GSTO2: variants seen among roughly 807,000 people sequenced by gnomAD.
The protein encoded by GSTO2 is glutathione S-transferase omega-2.
In GSTO2, 23 loss-of-function variants were observed where a neutral mutation model predicts 28.4. The ratio of observed to expected loss-of-function variants is 0.81; its 90% CI spans 0.58 to 1.15. The LOEUF (loss-of-function observed/expected upper bound fraction) is 1.15. GSTO2 is among the 50% of genes most tolerant of loss of function. GSTO2 has a pLI of 0.00. For missense variants in GSTO2, 298 were observed against 297.8 expected (o/e 1.00, Z 0.00); for synonymous variants, 109 against 111.0 (o/e 0.98, Z 0.11).
In GSTO2 at chr10:104,274,940, C is replaced by G. The variant is rs775086288; in HGVS notation, c.25C>G (p.Leu9Val). The G allele has an allele frequency of 1.0e-5, 16 of 1,603,564 alleles. No individual in the cohort carries two copies. The highest frequency in any genetic ancestry group is 1.7e-4 in the Middle Eastern group (1 of 6,026). MSGDATRT[L>V]GKGSQPPGPV... ...CATGTCTGGGGATGCGACCAGGACC[C>G]TGGGGAAAGGTGAGTGCTCTCCATG... is the stretch of plus-strand genomic sequence containing the variant. The change falls in exon 2 of 7, where the codon CTG becomes GTG. Residue 9 changes from leucine to valine, a missense_variant. Coordinates refer to ENST00000338595, the MANE Select transcript of GSTO2 (RefSeq NM_183239.2).
intron 5 of GSTO2, among the ~76,000 whole-genome samples, chr10:104,289,240 A>G (rs1017332354): frequency 3.3e-5 from 5 of 152,130 alleles, no homozygotes; most frequent in African/African-American, 9.7e-5. Flanking sequence ...CTAGGACTAC[A>G]GGCACCACTA....
intron 5 of GSTO2, among the ~76,000 whole-genome samples, chr10:104,284,057 T>A (rs2012256526): frequency 6.6e-6 from 1 of 152,054 alleles, no homozygotes; most frequent in Non-Finnish European, 1.5e-5. Context: ...GTTTGCTTGT[T>A]AGTTTTTTAA....
chr10:104,282,553 C>CA lies in GSTO2; in HGVS notation c.468+3097dup, dbSNP rs10715615. On this transcript the variant is annotated intron_variant, in intron 5 of 6. Transcript: ENST00000338595. ...TGGACAACACAGTGAAACCCTATCT[C>CA]AAAAAAAAAAAAAAAGAAGAAGAAG... 7.8e-3 allele frequency among the ~76,000 whole-genome samples: 799 copies of CA among 102,770 alleles called. 10 individuals carry two copies. The highest frequency in any genetic ancestry group is 0.048 in the East Asian group (180 of 3,736). 67.4% of individuals were successfully genotyped at this position (102,770 alleles called of 152,430 possible). A position where few individuals can be genotyped will look rare whatever the true frequency, so the allele number is the denominator to read the frequency against.
chr10:104,293,181 C>T (rs543445563), intron 5 of GSTO2, among the ~76,000 whole-genome samples: 2 of 152,242 alleles, frequency 1.3e-5, no homozygotes, highest in Non-Finnish European at 2.9e-5. Flanking sequence ...AAAGGTGAGA[C>T]TAAGGAGGAA....
chr10:104,291,030 C>A, intron 5 of GSTO2, among the ~76,000 whole-genome samples: 1 of 152,036 alleles, frequency 6.6e-6, no homozygotes, highest in East Asian at 1.9e-4. Flanking sequence ...TATGTGCCCA[C>A]GAAAAATAAA....
chr10:104,279,081 T>C (rs902562050), intron 4 of GSTO2, among the ~76,000 whole-genome samples: 1 of 152,026 alleles, frequency 6.6e-6, no homozygotes, highest in South Asian at 2.1e-4. Context: ...CTTAGAGAGG[T>C]TGAGTGTCCC....
intron 5 of GSTO2, among the ~76,000 whole-genome samples, chr10:104,283,838 A>T (rs1319730070): frequency 1.3e-5 from 2 of 152,260 alleles, no homozygotes; most frequent in South Asian, 4.1e-4. Flanking sequence ...CACAATCAGG[A>T]TTTTTTGTGA....
At chr10:104,297,791 G>T in intron 6 of GSTO2, 107 bp downstream of exon 6, 2 of 727,788 alleles carry the variant, frequency 2.7e-6, no homozygotes, top group Non-Finnish European at 4.7e-6. Context: ...TGTCTGTGAA[G>T]TGAATCAGGT....
chr10:104,275,692 A>G (rs1396327988), intron 3 of GSTO2, among the ~76,000 whole-genome samples: 3 of 152,102 alleles, frequency 2.0e-5, no homozygotes, highest in Non-Finnish European at 1.5e-5. Flanking sequence ...CAGGCATCTT[A>G]GGTCACTGTT....
In GSTO2 at chr10:104,274,571, C is replaced by T. The variant is rs2011540314; in HGVS notation, c.-231-114C>T. The T allele has an allele frequency of 2.7e-5, 11 of 400,438 alleles. No homozygotes were observed. In the South Asian group the frequency reaches 3.5e-4, roughly 13 times the overall value. 24.8% of individuals were successfully genotyped at this position (400,438 alleles called of 1,614,324 possible). On this transcript the variant is annotated intron_variant, in intron 1 of 6. Transcript: ENST00000338595. The stretch of plus-strand genomic sequence containing the variant: ...TGAAATCCATGTTGGAGTTTAAATG[C>T]CCATTCTTGAGGGATTCTTGATGTA...
rs2013277839 is a variant in GSTO2 at position 104,302,252 on chromosome 10, A to T, written c.*2968A>T. 1 of 152,234 alleles carries T rather than the reference A, an allele frequency of 6.6e-6. No homozygotes were observed. Among genetic ancestry groups the T allele is most frequent in the South Asian group, 2.1e-4 (1 of 4,830 alleles). 9.4% of individuals were successfully genotyped at this position (152,234 alleles called of 1,614,324 possible). ...CCTCCCCCAACATGTGGGGATTATA[A>T]TTCAGATTAAAATTGAAGATGAGAT... On this transcript the variant is annotated 3_prime_UTR_variant, in exon 7 of 7. Transcript: ENST00000338595.
chr10:104,292,679 C>A (rs1353508463), intron 5 of GSTO2, among the ~76,000 whole-genome samples: 1 of 152,150 alleles, frequency 6.6e-6, no homozygotes, highest in Admixed American at 6.6e-5. Context: ...TAGTCTCGAA[C>A]TCCTGGGCTC....
chr10:104,291,641 G>A (rs1394244932), intron 5 of GSTO2: 1 of 152,242 alleles, frequency 6.6e-6, no homozygotes, highest in African/African-American at 2.4e-5. Context: ...CCCTCTGGGG[G>A]CGCCCGAGGG....
Position 104,299,180 on chromosome 10 carries a change from G to T in GSTO2, c.628G>T (p.Asp210Tyr). 6.2e-7 allele frequency: 1 copy of T among 1,614,210 alleles called. No individual in the cohort carries two copies. The highest frequency in any genetic ancestry group is 8.5e-7 in the Non-Finnish European group (1 of 1,180,040). ...LRLWISAMKW[D>Y]PTVCALLMDK... Reference sequence around the variant, plus strand: ...GCTCTGGATATCAGCCATGAAGTGGGACCCCACAGTCTGTGCTCTTCTCAT... The same window carrying T: ...GCTCTGGATATCAGCCATGAAGTGGTACCCCACAGTCTGTGCTCTTCTCAT... Residue 210 changes from aspartate to tyrosine, a missense_variant, in exon 7 of 7, where the codon GAC (aspartate) becomes TAC (tyrosine). Physicochemically the swap from Asp to Tyr is radical, Grantham distance 160 (BLOSUM62 -3). Transcript: ENST00000338595.
chr10:104,285,656 C>T (rs975207222), intron 5 of GSTO2, among the ~76,000 whole-genome samples: 4 of 151,816 alleles, frequency 2.6e-5, no homozygotes, highest in Admixed American at 6.6e-5. Flanking sequence ...TTTGTGGAGA[C>T]GAGGTCTCAC....
chr10:104,275,160 G>T, intron 2 of GSTO2, 66 bp from the exon 3 acceptor site: 1 of 1,545,096 alleles, frequency 6.5e-7, no homozygotes, highest in Non-Finnish European at 8.7e-7. Flanking sequence ...GCAAGTGAGC[G>T]AGCTCCTTCC....
chr10:104,273,494 A>G (rs1408484420), intron 1 of GSTO2, among the ~76,000 whole-genome samples: 1 of 152,246 alleles, frequency 6.6e-6, no homozygotes, highest in East Asian at 1.9e-4. Context: ...CACTAGCAAA[A>G]AATGTTAACA....
Position 104,297,631 on chromosome 10 carries a change from T to C in GSTO2, c.522T>C (p.Ile174=), listed in dbSNP as rs374346051. 1 of 1,613,992 alleles carries C rather than the reference T, an allele frequency of 6.2e-7. No individual in the cohort carries two copies. Among genetic ancestry groups the C allele is most frequent in the South Asian group, 1.1e-5 (1 of 91,082 alleles). Reference sequence around the variant, plus strand: ...TTGGTGGAACCTGTATATCCATGATTGATTACCTCCTCTGGCCCTGGTTTG... The same window carrying C: ...TTGGTGGAACCTGTATATCCATGATCGATTACCTCCTCTGGCCCTGGTTTG... ...TFFGGTCISM[I]DYLLWPWFER... The change falls in exon 6 of 7, where the codon ATT becomes ATC. Residue 174 remains isoleucine, a synonymous_variant. Transcript: ENST00000338595.
chr10:104,283,205 T>C (rs140061979), intron 5 of GSTO2, among the ~76,000 whole-genome samples: 8 of 152,350 alleles, frequency 5.3e-5, no homozygotes, highest in African/African-American at 1.9e-4. Flanking sequence ...CCAGCCTCTA[T>C]ATAGGTAGCT....
Sources: gnomAD v4.1 joint callset for allele counts (sites outside exome capture counted in the v4.1 genomes callset) on GRCh38, gnomAD v4.1.1 for gene constraint, MANE v1.5 for transcripts, NCBI Gene and HGNC (gene_info 2026-07-23, HGNC 2026-07-21) for gene names.